The following KCNK6 variants were observed in gnomAD, a reference collection of about 807,000 sequenced individuals.
KCNK6 encodes the protein potassium two pore domain channel subfamily K member 6.
Under a neutral mutation model 21.9 loss-of-function variants are expected in KCNK6, and 20 were observed. That is an observed-to-expected ratio of 0.91 (90% CI 0.64 to 1.32). The LOEUF (loss-of-function observed/expected upper bound fraction) is 1.32. Ranked by LOEUF, KCNK6 falls within the 40% of genes most tolerant of loss-of-function variation. KCNK6 has a pLI of 0.00. For missense variants in KCNK6, 415 were observed against 433.1 expected (o/e 0.96, Z 0.37); for synonymous variants, 210 against 218.0 (o/e 0.96, Z 0.32).
At chr19:38,325,481 C>T in intron 1 of KCNK6, 1 of 985,458 alleles carries the variant, frequency 1.0e-6, no homozygotes, top group African/African-American at 1.7e-5. Context: ...CTGCACCCTT[C>T]ATTCTTTGTT....
chr19:38,320,972 G>GA (rs1427971305), intron 1 of KCNK6, among the ~76,000 whole-genome samples: 1 of 152,070 alleles, frequency 6.6e-6, no homozygotes, highest in Non-Finnish European at 1.5e-5. Flanking sequence ...CCCTCCAAGG[G>GA]AGATCCTTGC....
intron 1 of KCNK6, among the ~76,000 whole-genome samples, chr19:38,323,188 G>A (rs577521533): frequency 6.6e-6 from 1 of 152,326 alleles, no homozygotes; most frequent in South Asian, 2.1e-4. Flanking sequence ...TAGGATTCTT[G>A]CTAAAACTGG....
chr19:38,326,669 C>A lies in KCNK6; in HGVS notation c.399C>A (p.Thr133=), dbSNP rs1175152871. 9.3e-6 allele frequency: 15 copies of A among 1,608,174 alleles called. No homozygotes were observed. The highest frequency in any genetic ancestry group is 1.2e-5 in the Non-Finnish European group (14 of 1,179,982). The part of the protein sequence containing the change: ...SIAFALLGVP[T]TMLLLTASAQ... ...CCTTTGCGCTCCTGGGCGTGCCGAC[C>A]ACCATGCTGCTGCTGACCGCCTCAG... Residue 133 remains threonine (T), a synonymous_variant, in exon 2 of 3, where the codon ACC becomes ACA. Coordinates refer to ENST00000263372, the MANE Select transcript of KCNK6 (RefSeq NM_004823.3).
chr19:38,320,227 T>C lies in KCNK6; in HGVS notation c.277T>C (p.Phe93Leu). The C allele has an allele frequency of 6.2e-7, 1 of 1,605,178 alleles. No individual in the cohort carries two copies. The highest frequency in any genetic ancestry group is 8.5e-7 in the Non-Finnish European group (1 of 1,179,794). Residue 93 changes from phenylalanine (F) to leucine (L), a missense_variant, in exon 1 of 3, where the codon TTC (phenylalanine) becomes CTC (leucine). By Grantham distance (22) the Phe-to-Leu change is conservative. Transcript: ENST00000263372. ...CAACGCCTCGGACCCCGCCTGGGAC[T>C]TCGCCTCTGCTCTCTTCTTCGCCAG... is the stretch of plus-strand genomic sequence containing the variant. Reference protein sequence around the residue: ...SANASDPAWDFASALFFASTL... With the variant: ...SANASDPAWDLASALFFASTL...
At position 38,326,961 on chromosome 19, in the gene KCNK6, C is replaced by A; in HGVS notation, c.691C>A (p.Arg231=). ...VPGEAPGQPY[R]ALYKVLVTVY... ...CGGGGAGGCCCCTGGCCAGCCCTAC[C>A]GGGCCCTCTACAAGGTGCTGGTCAC... Residue 231 remains arginine, a synonymous_variant, in exon 2 of 3, where the codon CGG becomes AGG. Transcript: ENST00000263372. The A allele has an allele frequency of 1.2e-6, 2 of 1,605,058 alleles. No individual in the cohort carries two copies. The highest frequency in any genetic ancestry group is 1.7e-6 in the Non-Finnish European group (2 of 1,179,552).
In KCNK6 at chr19:38,320,268, C is replaced by G. The variant is rs764084956; in HGVS notation, c.318C>G (p.Thr106=). The change falls in exon 1 of 3, where the codon ACC becomes ACG. Residue 106 remains threonine (T), a synonymous_variant. Coordinates refer to ENST00000263372, the MANE Select transcript of KCNK6 (RefSeq NM_004823.3). ...TCTTCGCCAGCACGCTGATCACCAC[C>G]GTGGGTACGTAAGCGCCTCACCGCA... ...ALFFASTLIT[T]VGYGYTTPLT... 4.4e-5 allele frequency: 70 copies of G among 1,605,624 alleles called. No individual in the cohort carries two copies. Among genetic ancestry groups the G allele is most frequent in the African/African-American group, 2.7e-5 (2 of 74,622 alleles).
At chr19:38,324,304 A>T (rs1969684226) in intron 1 of KCNK6, among the ~76,000 whole-genome samples, 1 of 152,148 alleles carries the variant, frequency 6.6e-6, no homozygotes, top group Non-Finnish European at 1.5e-5. Flanking sequence ...CCTTGTATTA[A>T]TGAGGGTTGG....
intron 2 of KCNK6, 87 bp from the exon 3 acceptor site, chr19:38,327,093 C>T: frequency 6.4e-7 from 1 of 1,570,024 alleles, no homozygotes; most frequent in Non-Finnish European, 8.6e-7. Context: ...GGGATCCAAC[C>T]CCACCCTGCA....
intron 1 of KCNK6, among the ~76,000 whole-genome samples, chr19:38,323,172 G>T (rs1969670994): frequency 6.6e-6 from 1 of 152,168 alleles, no homozygotes; most frequent in Non-Finnish European, 1.5e-5. Context: ...CGGGGTGGGT[G>T]GCTTGTAGGA....
intron 1 of KCNK6, among the ~76,000 whole-genome samples, chr19:38,326,347 G>A (rs995140961): frequency 6.6e-6 from 1 of 152,116 alleles, no homozygotes; most frequent in African/African-American, 2.4e-5. Flanking sequence ...CCAGGAGCTC[G>A]AGACTAGCCT....
chr19:38,320,217 C>T lies in KCNK6; in HGVS notation c.267C>T (p.Pro89=), dbSNP rs1245602373. 6.2e-7 allele frequency: 1 copy of T among 1,604,082 alleles called. No homozygotes were observed. Among genetic ancestry groups the T allele is most frequent in the Admixed American group, 1.7e-5 (1 of 59,998 alleles). The change falls in exon 1 of 3, where the codon CCC becomes CCT. Residue 89 remains proline (P), a synonymous_variant. Transcript: ENST00000263372. ...CGGGGTCCGCCAACGCCTCGGACCC[C>T]GCCTGGGACTTCGCCTCTGCTCTCT... ...NASGSANASD[P]AWDFASALFF... is the part of the protein sequence containing the mutation.
rs1342488624 is a variant in KCNK6 at position 38,319,955 on chromosome 19, G to C, written c.5G>C (p.Arg2Pro). 6 of 1,448,730 alleles carry C rather than the reference G, an allele frequency of 4.1e-6. No individual in the cohort carries two copies. Among genetic ancestry groups the C allele is most frequent in the Non-Finnish European group, 5.4e-6 (6 of 1,112,168 alleles). The allele number at this position is 1,448,730 out of a possible 1,614,324, so 89.7% of individuals were successfully genotyped here. A position where few individuals can be genotyped will look rare whatever the true frequency, so the allele number is the denominator to read the frequency against. The change falls in exon 1 of 3, where the codon CGG (arginine) becomes CCG (proline). Residue 2 changes from arginine to proline, a missense_variant. By Grantham distance (103) the Arg-to-Pro change is moderately radical. Transcript: ENST00000263372. MRRGALLAGALA... is the reference protein window; with the variant it reads MPRGALLAGALA... ...CGCGGGGTCCCGGTGGGTGCCATGC[G>C]GAGGGGCGCGCTTCTGGCGGGCGCC...
In KCNK6 at chr19:38,330,870, C is replaced by G. The variant is rs1289160274; in HGVS notation, c.*3467C>G. The G allele has an allele frequency of 6.6e-6, 1 of 152,160 alleles. No individual in the cohort carries two copies. The highest frequency in any genetic ancestry group is 1.5e-5 in the Non-Finnish European group (1 of 68,020). The allele number at this position is 152,160 out of a possible 1,614,324, so 9.4% of individuals were successfully genotyped here. On this transcript the variant is annotated 3_prime_UTR_variant, in exon 3 of 3. Coordinates refer to ENST00000263372, the MANE Select transcript of KCNK6 (RefSeq NM_004823.3). ...GCTCAGAAATATCTGTTGTCTAGCC[C>G]TTTCTCAGCCTCCCAACCTTCTCGG...
At position 38,326,995 on chromosome 19, in the gene KCNK6, T is replaced by A; in HGVS notation, c.718+7T>A. The A allele has an allele frequency of 6.3e-7, 1 of 1,593,344 alleles. No homozygotes were observed. The highest frequency in any genetic ancestry group is 8.5e-7 in the Non-Finnish European group (1 of 1,175,574). On this transcript the variant is annotated splice_region_variant and intron_variant, in intron 2 of 2. Transcript: ENST00000263372. Reference sequence around the variant, plus strand: ...TACAAGGTGCTGGTCACAGGTGAGCTGGGTGGCTAGGGCAGGGCTTTGAGG... The same window carrying A: ...TACAAGGTGCTGGTCACAGGTGAGCAGGGTGGCTAGGGCAGGGCTTTGAGG...
chr19:38,320,568 T>G (rs1335228510), intron 1 of KCNK6, among the ~76,000 whole-genome samples: 1 of 151,920 alleles, frequency 6.6e-6, no homozygotes, highest in Non-Finnish European at 1.5e-5. Context: ...TCTTTTCTTT[T>G]TCTTTTTTTG....
chr19:38,326,254 G>A (rs1435557411), intron 1 of KCNK6, among the ~76,000 whole-genome samples: 1 of 152,160 alleles, frequency 6.6e-6, no homozygotes, highest in East Asian at 1.9e-4. Context: ...GAGTGGGCAG[G>A]AGGGTTTTCC....
Position 38,326,962 on chromosome 19 carries a change from G to A in KCNK6, c.692G>A (p.Arg231Gln), listed in dbSNP as rs192351509. 1.7e-5 allele frequency: 28 copies of A among 1,604,782 alleles called. No homozygotes were observed. In the East Asian group the frequency reaches 3.6e-4, roughly 20 times the overall value. Residue 231 changes from arginine to glutamine, a missense_variant, in exon 2 of 3, where the codon CGG (arginine) becomes CAG (glutamine). By Grantham distance (43) the Arg-to-Gln change is conservative. Transcript: ENST00000263372. ...VPGEAPGQPY[R>Q]ALYKVLVTVY... ...GGGGAGGCCCCTGGCCAGCCCTACCGGGCCCTCTACAAGGTGCTGGTCACA... is the reference window on the plus strand; with the variant it reads ...GGGGAGGCCCCTGGCCAGCCCTACCAGGCCCTCTACAAGGTGCTGGTCACA...
At position 38,331,139 on chromosome 19, in the gene KCNK6, C is replaced by G. The variant is rs1969765161; in HGVS notation, c.*3736C>G. 6.6e-6 allele frequency: 1 copy of G among 152,232 alleles called. No homozygotes were observed. Among genetic ancestry groups the G allele is most frequent in the Non-Finnish European group, 1.5e-5 (1 of 68,174 alleles). 9.4% of individuals were successfully genotyped at this position (152,232 alleles called of 1,614,324 possible). ...CCCGGGAGCTGGAGACCAGCCTGGA[C>G]ATGTTAACATAGCAAGACCCCTCTA... is the stretch of plus-strand genomic sequence containing the variant. On this transcript the variant is annotated 3_prime_UTR_variant, in exon 3 of 3. Transcript: ENST00000263372.
At position 38,326,898 on chromosome 19, in the gene KCNK6, A is replaced by C. The variant is rs374512673; in HGVS notation, c.628A>C (p.Ile210Leu). The C allele has an allele frequency of 6.8e-6, 11 of 1,611,654 alleles. No homozygotes were observed. The highest frequency in any genetic ancestry group is 1.6e-4 in the Middle Eastern group (1 of 6,084). Reference protein sequence around the residue: ...SFLDAFYFCFISLSTIGLGDY... With the variant: ...SFLDAFYFCFLSLSTIGLGDY... ...CTTGGATGCCTTCTACTTCTGCTTTATCTCTCTGTCCACCATCGGCCTGGG... is the reference window on the plus strand; with the variant it reads ...CTTGGATGCCTTCTACTTCTGCTTTCTCTCTCTGTCCACCATCGGCCTGGG... The change falls in exon 2 of 3, where the codon ATC becomes CTC. Residue 210 changes from isoleucine (I) to leucine (L), a missense_variant. Coordinates refer to ENST00000263372, the MANE Select transcript of KCNK6 (RefSeq NM_004823.3).
Sources: allele counts gnomAD v4.1 joint callset (sites outside exome capture counted in the v4.1 genomes callset), GRCh38; gene constraint gnomAD v4.1.1; transcripts MANE v1.5; gene names NCBI Gene and HGNC (gene_info 2026-07-23, HGNC 2026-07-21).